The following HMCN2 variants were observed in gnomAD, a reference collection of about 807,000 sequenced individuals.
The protein encoded by HMCN2 is hemicentin 2.
Under a neutral mutation model 377.5 loss-of-function variants are expected in HMCN2, and 325 were observed. The ratio of observed to expected loss-of-function variants is 0.86; its 90% CI spans 0.79 to 0.94. HMCN2 has a LOEUF of 0.94. Among genes scored for constraint, HMCN2 ranks in the 40% least tolerant of loss-of-function variants. The probability of loss-of-function intolerance (pLI) is 0.00; values close to 1 mark genes in which losing one functional copy is unlikely to be tolerated. For missense variants in HMCN2, 4,543 were observed against 4,725.3 expected (o/e 0.96, Z 1.13); for synonymous variants, 2,007 against 2,046.8 (o/e 0.98, Z 0.53).
chr9:130,330,023 T>TCCCTCCTCCTCCCCTTC (rs1454386463), intron 22 of HMCN2, among the ~76,000 whole-genome samples: 13 of 148,858 alleles, frequency 8.7e-5, no homozygotes, highest in African/African-American at 3.2e-4. Context: ...CTCTTCCCTT[T>TCCCTCCTCCTCCCCTTC]CCCTCCTCCT....
Position 130,432,689 on chromosome 9 carries a change from C to T in HMCN2, c.14894+134C>T, listed in dbSNP as rs545674740. On this transcript the variant is annotated intron_variant, in intron 97 of 97. Coordinates refer to ENST00000683500, the MANE Select transcript of HMCN2 (RefSeq NM_001291815.2). ...GCAGGAACGCACGGAGCCCTGGGGG[C>T]AGGGAGAGGCCAGAGTGGGAGAGAA... The T allele has an allele frequency of 3.4e-4, 321 of 940,120 alleles. No individual in the cohort carries two copies. In the African/African-American group the frequency reaches 4.7e-3, roughly 14 times the overall value. 58.2% of individuals were successfully genotyped at this position (940,120 alleles called of 1,614,324 possible). A position where few individuals can be genotyped will look rare whatever the true frequency, so the allele number is the denominator to read the frequency against.
At chr9:130,342,012 A>AAAATAAAT (rs1221408865) in intron 24 of HMCN2, among the ~76,000 whole-genome samples, 45,699 of 130,374 alleles carry the variant, frequency 0.35, 8,547 homozygotes, top group East Asian at 0.53. Flanking sequence ...CCCATCTCTT[A>AAAATAAAT]AAATAAATAA....
At chr9:130,426,325 G>A (rs1167075442) in intron 90 of HMCN2, among the ~76,000 whole-genome samples, 1 of 152,200 alleles carries the variant, frequency 6.6e-6, no homozygotes, top group Non-Finnish European at 1.5e-5. Flanking sequence ...CATGCTTTCT[G>A]TTCACCCAGT....
intron 45 of HMCN2, among the ~76,000 whole-genome samples, chr9:130,370,223 G>A (rs1840941556): frequency 6.6e-6 from 1 of 152,136 alleles, no homozygotes; most frequent in Admixed American, 6.5e-5. Flanking sequence ...ATACTGTTGG[G>A]GCAGGTCAGG....
chr9:130,344,330 CTGTG>C (rs1273751387), intron 25 of HMCN2, among the ~76,000 whole-genome samples: 2 of 150,274 alleles, frequency 1.3e-5, no homozygotes, highest in Non-Finnish European at 3.0e-5. Context: ...TGTATGTGTT[CTGTG>C]TGTATGTGAT....
intron 7 of HMCN2, among the ~76,000 whole-genome samples, chr9:130,298,331 C>T (rs1158327190): frequency 6.6e-6 from 1 of 152,036 alleles, no homozygotes; most frequent in Non-Finnish European, 1.5e-5. Context: ...TCAAGACCAG[C>T]CTGGACAACA....
chr9:130,309,181 A>G (rs1317586683), intron 14 of HMCN2, among the ~76,000 whole-genome samples: 2 of 152,248 alleles, frequency 1.3e-5, no homozygotes, highest in Non-Finnish European at 2.9e-5. Flanking sequence ...AGGTGTGTCC[A>G]TCAGGCCTCA....
Position 130,392,739 on chromosome 9 carries a change from T to TA in HMCN2, c.10137-473_10137-472insA, listed in dbSNP as rs577652168. On this transcript the variant is annotated intron_variant, in intron 66 of 97. Transcript: ENST00000683500. The stretch of plus-strand genomic sequence containing the variant: ...CAGGCCGGGTGCGGTGGCTCACGCC[T>TA]GTAATCCAGCACTTTGGGAGGCCAA... 2.9e-3 allele frequency among the ~76,000 whole-genome samples: 420 copies of TA among 142,528 alleles called. 2 individuals are homozygous for TA. The highest frequency in any genetic ancestry group is 0.011 in the African/African-American group (406 of 37,958). The allele number at this position is 142,528 out of a possible 152,430, so 93.5% of individuals were successfully genotyped here.
rs1231840633 is a variant in HMCN2 at position 130,395,284 on chromosome 9, G to A, written c.10848G>A (p.Glu3616=). 7.8e-7 allele frequency: 1 copy of A among 1,289,640 alleles called. No homozygotes were observed. The allele number at this position is 1,289,640 out of a possible 1,614,324, so 79.9% of individuals were successfully genotyped here. A position where few individuals can be genotyped will look rare whatever the true frequency, so the allele number is the denominator to read the frequency against. ...TGGCCCCAGGGCAGCTGGTCCTGGA[G>A]TGTTCGGTGGAGGCAGAGCCAGCGC... ...VGLAPGQLVL[E]CSVEAEPAPK... is the part of the protein sequence containing the mutation. The change falls in exon 71 of 98, where the codon GAG becomes GAA. Residue 3616 remains glutamate, a synonymous_variant. Coordinates refer to ENST00000683500, the MANE Select transcript of HMCN2 (RefSeq NM_001291815.2).
intron 1 of HMCN2, among the ~76,000 whole-genome samples, chr9:130,279,539 G>C (rs1264060755): frequency 1.3e-5 from 2 of 152,044 alleles, no homozygotes; most frequent in Non-Finnish European, 2.9e-5. Context: ...TTTTAGTAGA[G>C]ATGAGGTTTC....
intron 7 of HMCN2, among the ~76,000 whole-genome samples, chr9:130,297,840 T>C (rs1216226287): frequency 6.6e-6 from 1 of 152,228 alleles, no homozygotes; most frequent in East Asian, 1.9e-4. Flanking sequence ...AGAGCTAAGA[T>C]ATCCTATGTG....
chr9:130,311,767 G>T (rs1436830741), intron 15 of HMCN2, among the ~76,000 whole-genome samples: 1 of 152,158 alleles, frequency 6.6e-6, no homozygotes, highest in African/African-American at 2.4e-5. Context: ...GGTGGGGAGG[G>T]GGCAGCAGGA....
In HMCN2 at chr9:130,357,905, T is replaced by C. The variant is rs1346952360; in HGVS notation, c.5497T>C (p.Cys1833Arg). The C allele has an allele frequency of 7.7e-7, 1 of 1,304,026 alleles. No homozygotes were observed. The highest frequency in any genetic ancestry group is 1.0e-6 in the Non-Finnish European group (1 of 988,874). 80.8% of individuals were successfully genotyped at this position (1,304,026 alleles called of 1,614,324 possible). A position where few individuals can be genotyped will look rare whatever the true frequency, so the allele number is the denominator to read the frequency against. ...APFLQPVTLQ[C>R]IGDGVPTPSL... is the part of the protein sequence containing the mutation. ...TTTCCTGCAGCCTGTGACCCTCCAG[T>C]GCATAGGGGATGGGGTGCCCACCCC... The change falls in exon 35 of 98, where the codon TGC (cysteine) becomes CGC (arginine). Residue 1833 changes from cysteine to arginine, a missense_variant. Around this residue, in one of 5 missense-constraint regions of HMCN2, gnomAD observed 1,032 missense variants for 1,285.1 expected, o/e 0.80. Coordinates refer to ENST00000683500, the MANE Select transcript of HMCN2 (RefSeq NM_001291815.2).
intron 1 of HMCN2, among the ~76,000 whole-genome samples, chr9:130,278,441 A>G (rs1448798006): frequency 6.7e-6 from 1 of 150,326 alleles, no homozygotes; most frequent in Non-Finnish European, 1.5e-5. Flanking sequence ...TTGTTTTTGG[A>G]GGCAGTATAG....
At position 130,433,616 on chromosome 9, in the gene HMCN2, C is replaced by T. The variant is rs1396786554; in HGVS notation, c.15163C>T (p.Leu5055Phe). 6.6e-7 allele frequency: 1 copy of T among 1,520,482 alleles called. No individual in the cohort carries two copies. The allele number at this position is 1,520,482 out of a possible 1,614,324, so 94.2% of individuals were successfully genotyped here. ...GCTCACCCGCGCCGGCCTCTACCGG[C>T]TCACCGTGCGTGCTGCGGCACCGCG... ...RALTRAGLYR[L>F]TVRAAAPRHQ... Residue 5055 changes from leucine (L) to phenylalanine (F), a missense_variant, in exon 98 of 98, where the codon CTC becomes TTC. Leu to Phe is a conservative substitution (Grantham distance 22). Around this residue, in one of 5 missense-constraint regions of HMCN2, gnomAD observed 1,155 missense variants for 1,157.7 expected, o/e 1.00. Coordinates refer to ENST00000683500, the MANE Select transcript of HMCN2 (RefSeq NM_001291815.2).
intron 17 of HMCN2, 45 bp from the exon 18 acceptor site, chr9:130,320,731 A>G (rs1837804558): frequency 6.6e-6 from 1 of 151,966 alleles, no homozygotes; most frequent in African/African-American, 2.4e-5. Context: ...CCAGACAACC[A>G]CCCAGGGCAC....
rs999606795 is a variant in HMCN2, at chr9:130,433,369, G to T, written c.14916G>T (p.Ser4972=). The T allele has an allele frequency of 6.8e-7, 1 of 1,472,644 alleles. No individual in the cohort carries two copies. The highest frequency in any genetic ancestry group is 2.9e-5 in the East Asian group (1 of 34,214). The allele number at this position is 1,472,644 out of a possible 1,614,324, so 91.2% of individuals were successfully genotyped here. A position where few individuals can be genotyped will look rare whatever the true frequency, so the allele number is the denominator to read the frequency against. ...PSPGTCFRRC[S]QDCGTGGPST... The stretch of plus-strand genomic sequence containing the variant: ...GCAGGACGTGCTTCCGGCGCTGCTC[G>T]CAGGACTGCGGCACGGGCGGCCCCT... The change falls in exon 98 of 98, where the codon TCG becomes TCT. Residue 4972 remains serine, a synonymous_variant. Coordinates refer to ENST00000683500, the MANE Select transcript of HMCN2 (RefSeq NM_001291815.2).
At chr9:130,359,228 G>A (rs1840225589) in intron 36 of HMCN2, 91 bp from the exon 37 acceptor site, 3 of 576,246 alleles carry the variant, frequency 5.2e-6, no homozygotes, top group Admixed American at 3.1e-5. Context: ...TTTTCTATGG[G>A]GAGCAGGGAG....
rs1205549149 is a variant in HMCN2, at chr9:130,430,153, C to T, written c.14327-131C>T. 2.5e-5 allele frequency: 19 copies of T among 758,250 alleles called. No individual in the cohort carries two copies. In the East Asian group the frequency reaches 4.9e-4, roughly 19 times the overall value. 47.0% of individuals were successfully genotyped at this position (758,250 alleles called of 1,614,324 possible). ...TCCGGGAGAGGGGGATGCAGCGTGG[C>T]TCACATGCAGCATGGGAGTGGCTGG... On this transcript the variant is annotated intron_variant, in intron 94 of 97. Transcript: ENST00000683500.
Sources: allele counts gnomAD v4.1 joint callset (sites outside exome capture counted in the v4.1 genomes callset), GRCh38; gene constraint gnomAD v4.1.1; regional missense constraint gnomAD v4.1.1; transcripts MANE v1.5; gene names NCBI Gene and HGNC (gene_info 2026-07-23, HGNC 2026-07-21).